The following VNN1 variants were observed in gnomAD, a reference collection of about 807,000 sequenced individuals.
The protein encoded by VNN1 is vanin 1, also known as pantetheinase.
A neutral mutation model predicts 41.9 loss-of-function variants in VNN1; 29 were observed. That is an observed-to-expected ratio of 0.69 (90% CI 0.52 to 0.94). The LOEUF (loss-of-function observed/expected upper bound fraction) is 0.94, where lower values mean the gene tolerates loss of function less well. VNN1 is among the 40% of genes least tolerant of loss of function. VNN1 has a pLI of 0.00. For synonymous variants in VNN1, 233 were observed against 224.4 expected (o/e 1.04, Z -0.34); for missense variants, 637 against 621.1 (o/e 1.03, Z -0.27).
intron 5 of VNN1, among the ~76,000 whole-genome samples, chr6:132,688,381 A>G (rs921780330): frequency 1.3e-5 from 2 of 152,210 alleles, no homozygotes; most frequent in Non-Finnish European, 2.9e-5. Context: ...ATTCCAAAAC[A>G]TATCTGGTAC....
chr6:132,713,772 A>T (rs1329391715), intron 1 of VNN1, 54 bp downstream of exon 1: 8 of 1,586,978 alleles, frequency 5.0e-6, no homozygotes, highest in Admixed American at 1.7e-5. Context: ...GTCTCCTAGG[A>T]CCCCCTCCTT....
intron 2 of VNN1, among the ~76,000 whole-genome samples, chr6:132,695,673 T>A (rs1265716680): frequency 6.6e-6 from 1 of 152,134 alleles, no homozygotes; most frequent in East Asian, 1.9e-4. Context: ...TATTTTCTCT[T>A]TTTCTCCTTT....
intron 2 of VNN1, chr6:132,699,017 G>A (rs1778414008): frequency 4.8e-6 from 1 of 206,680 alleles, no homozygotes; most frequent in African/African-American, 2.4e-5. Flanking sequence ...GAATTTACTG[G>A]ACAGATTCCT....
At chr6:132,712,332 TAG>T (rs1778613797) in intron 1 of VNN1, among the ~76,000 whole-genome samples, 2 of 152,132 alleles carry the variant, frequency 1.3e-5, no homozygotes, top group Non-Finnish European at 2.9e-5. Context: ...GTATTTTTAG[TAG>T]AGATGGGGTT....
chr6:132,683,325 G>A lies in VNN1; in HGVS notation c.1360-3C>T. 3 of 1,604,366 alleles carry A rather than the reference G, an allele frequency of 1.9e-6. No homozygotes were observed. The highest frequency in any genetic ancestry group is 1.8e-5 in the Admixed American group (1 of 57,088). On this transcript the variant is annotated splice_region_variant and splice_polypyrimidine_tract_variant and intron_variant, in intron 6 of 6. Transcript: ENST00000367928. ...AACAAGCGTCCGTCAGTTGACACCT[G>A]ATTAAAACAAAAAAGTAGGCAAAGG...
intron 1 of VNN1, among the ~76,000 whole-genome samples, chr6:132,712,153 C>CTT (rs569395584): frequency 4.5e-5 from 6 of 132,694 alleles, no homozygotes; most frequent in African/African-American, 8.3e-5. Flanking sequence ...TTTTTTCTCT[C>CTT]TTTTTTTTTT....
At chr6:132,691,891 C>G (rs1778291003) in intron 5 of VNN1, among the ~76,000 whole-genome samples, 2 of 151,936 alleles carry the variant, frequency 1.3e-5, no homozygotes, top group Non-Finnish European at 2.9e-5. Flanking sequence ...GCCTGTAGTC[C>G]CAGCTACTTG....
chr6:132,704,126 C>G (rs977718043), intron 2 of VNN1, among the ~76,000 whole-genome samples: 1 of 151,954 alleles, frequency 6.6e-6, no homozygotes, highest in Non-Finnish European at 1.5e-5. Flanking sequence ...TTTCAACATC[C>G]TACTTTCAGC....
intron 2 of VNN1, among the ~76,000 whole-genome samples, chr6:132,705,589 G>T (rs1416264381): frequency 6.6e-6 from 1 of 152,096 alleles, no homozygotes; most frequent in African/African-American, 2.4e-5. Context: ...AAAACTGAAA[G>T]CTTTTCTCTA....
chr6:132,698,473 T>C (rs1022559316), intron 2 of VNN1, among the ~76,000 whole-genome samples: 1 of 152,246 alleles, frequency 6.6e-6, no homozygotes, highest in Non-Finnish European at 1.5e-5. Flanking sequence ...ATGTCAGATG[T>C]GGTTGCTATG....
At chr6:132,692,054 C>G (rs1283357324) in intron 5 of VNN1, among the ~76,000 whole-genome samples, 169 bp downstream of exon 5, 1 of 151,778 alleles carries the variant, frequency 6.6e-6, no homozygotes, top group Non-Finnish European at 1.5e-5. Flanking sequence ...TATTTGTAGG[C>G]TTCCCAGCTA....
Position 132,693,271 on chromosome 6 carries a change from C to T in VNN1, c.579G>A (p.Glu193=). 6.2e-7 allele frequency: 1 copy of T among 1,613,514 alleles called. No individual in the cohort carries two copies. The highest frequency in any genetic ancestry group is 1.7e-5 in the Admixed American group (1 of 59,940). ...MGENQFNVPK[E]PEIVTFNTTF... ...TGGTATTGAAAGTCACAATCTCAGG[C>T]TCCTTGGGTACATTGAATTGATTTT... is the stretch of plus-strand genomic sequence containing the variant. Residue 193 remains glutamate (E), a synonymous_variant, in exon 4 of 7, where the codon GAG becomes GAA. Coordinates refer to ENST00000367928, the MANE Select transcript of VNN1 (RefSeq NM_004666.3).
chr6:132,692,151 A>G, intron 5 of VNN1, 72 bp downstream of exon 5: 1 of 1,415,030 alleles, frequency 7.1e-7, no homozygotes, highest in Non-Finnish European at 9.3e-7. Flanking sequence ...ATCATTCATT[A>G]TTTATCTAAA....
chr6:132,702,136 G>A (rs369087035), intron 2 of VNN1, among the ~76,000 whole-genome samples: 7 of 152,156 alleles, frequency 4.6e-5, no homozygotes, highest in East Asian at 1.9e-4. Context: ...TGGGCTGCAC[G>A]GCAGTACCAG....
intron 5 of VNN1, among the ~76,000 whole-genome samples, chr6:132,688,674 A>T (rs1778238118): frequency 6.6e-6 from 1 of 152,212 alleles, no homozygotes; most frequent in African/African-American, 2.4e-5. Flanking sequence ...AAATTTATAT[A>T]GCAATATAAT....
At chr6:132,687,307 G>A (rs1355470257) in intron 5 of VNN1, among the ~76,000 whole-genome samples, 1 of 152,206 alleles carries the variant, frequency 6.6e-6, no homozygotes. Context: ...AATTTAAGAG[G>A]AAAGGCAGTT....
chr6:132,694,120 A>G lies in VNN1; in HGVS notation c.404T>C (p.Val135Ala). Residue 135 changes from valine (V) to alanine (A), a missense_variant, in exon 3 of 7, where the codon GTT becomes GCT. Transcript: ENST00000367928. ...SCLAKNNSIY[V>A]VANIGDKKPC... ...CTTCTTGTCCCCAATATTTGCCACAACATAGATAGAGTTGTTCTTGGCCAG... is the reference window on the plus strand; with the variant it reads ...CTTCTTGTCCCCAATATTTGCCACAGCATAGATAGAGTTGTTCTTGGCCAG... 1 of 1,614,082 alleles carries G rather than the reference A, an allele frequency of 6.2e-7. No homozygotes were observed. Among genetic ancestry groups the G allele is most frequent in the Non-Finnish European group, 8.5e-7 (1 of 1,180,004 alleles).
chr6:132,695,601 C>T (rs1327455412), intron 2 of VNN1, among the ~76,000 whole-genome samples: 2 of 152,122 alleles, frequency 1.3e-5, no homozygotes, highest in South Asian at 2.1e-4. Context: ...TTTTTGCAGG[C>T]CCTCTTTCTG....
At chr6:132,706,677 G>C (rs1274093211) in intron 2 of VNN1, among the ~76,000 whole-genome samples, 1 of 152,082 alleles carries the variant, frequency 6.6e-6, no homozygotes, top group Admixed American at 6.6e-5. Flanking sequence ...AAGGTAAAAA[G>C]CTTCTGCACA....
Sources: allele counts gnomAD v4.1 joint callset (sites outside exome capture counted in the v4.1 genomes callset), GRCh38; gene constraint gnomAD v4.1.1; transcripts MANE v1.5; gene names NCBI Gene and HGNC (gene_info 2026-07-23, HGNC 2026-07-21).